The following KCNC2 variants were observed in gnomAD, a reference collection of about 807,000 sequenced individuals.
The protein encoded by KCNC2 is potassium voltage-gated channel subfamily C member 2, also known as voltage-gated potassium channel KCNC2.
KCNC2 carries 21 observed loss-of-function variants against 44.5 expected under a neutral mutation model. That is an observed-to-expected ratio of 0.47 (90% CI 0.33 to 0.68). The LOEUF (loss-of-function observed/expected upper bound fraction) is 0.68. Among genes scored for constraint, KCNC2 ranks in the 30% least tolerant of loss-of-function variants. The probability of loss-of-function intolerance (pLI) is 0.01; values close to 1 mark genes in which losing one functional copy is unlikely to be tolerated. For synonymous variants in KCNC2, 391 were observed against 339.1 expected (o/e 1.15, Z -1.68); for missense variants, 589 against 826.2 (o/e 0.71, Z 3.52).
intron 2 of KCNC2, among the ~76,000 whole-genome samples, chr12:75,083,622 A>G: frequency 6.6e-6 from 1 of 152,034 alleles, no homozygotes; most frequent in South Asian, 2.1e-4. Context: ...ATTAACAGAG[A>G]TATTTGAATA....
rs1881091009 is a variant in KCNC2, at chr12:75,050,856, C to G, written c.1149G>C (p.Leu383Phe). The G allele has an allele frequency of 1.2e-6, 2 of 1,613,354 alleles. No individual in the cohort carries two copies. The highest frequency in any genetic ancestry group is 1.3e-5 in the African/African-American group (1 of 74,784). ...CTAGAGCCAGGAAAATTATCAGCAG[C>G]AAAAATTCATTAGTACTAGCTCGAA... ...HTLRASTNEFLLLIIFLALGV... is the reference protein window; with the variant it reads ...HTLRASTNEFFLLIIFLALGV... Residue 383 changes from leucine to phenylalanine, a missense_variant, in exon 3 of 5, where the codon TTG becomes TTC. By Grantham distance (22) the Leu-to-Phe change is conservative (BLOSUM62 0). Coordinates refer to ENST00000549446, the MANE Select transcript of KCNC2 (RefSeq NM_139137.4).
rs142034037 is a variant in KCNC2, at chr12:75,159,371, C to T, written c.687+47926G>A. Among the ~76,000 whole-genome samples, 329 of 145,666 alleles carry T rather than the reference C, an allele frequency of 2.3e-3. 1 individual carries two copies. The highest frequency in any genetic ancestry group is 7.5e-3 in the African/African-American group (302 of 40,466). ...CTTGTTTCAGTTTTTGCTGCTCCCC[C>T]AATAAAAGTTCCTTAAGTTAAGATA... On this transcript the variant is annotated intron_variant, in intron 2 of 4. Coordinates refer to ENST00000549446, the MANE Select transcript of KCNC2 (RefSeq NM_139137.4).
chr12:75,043,438 A>G, intron 4 of KCNC2, 197 bp from the exon 5 acceptor site: 5 of 1,342,852 alleles, frequency 3.7e-6, no homozygotes, highest in Non-Finnish European at 4.8e-6. Context: ...AGATTAAACC[A>G]GCCATCACAA....
intron 2 of KCNC2, among the ~76,000 whole-genome samples, chr12:75,134,417 CA>C (rs1889080723): frequency 6.6e-6 from 1 of 151,638 alleles, no homozygotes; most frequent in Admixed American, 6.6e-5. Flanking sequence ...ATCTCTGAAA[CA>C]AAAACAATAC....
intron 2 of KCNC2, among the ~76,000 whole-genome samples, chr12:75,200,584 T>C (rs921552457): frequency 1.3e-5 from 2 of 151,820 alleles, no homozygotes; most frequent in African/African-American, 2.4e-5. Flanking sequence ...CAACAGTGAA[T>C]ATATATTTGA....
At chr12:75,123,855 C>T (rs779615941) in intron 2 of KCNC2, among the ~76,000 whole-genome samples, 1 of 152,168 alleles carries the variant, frequency 6.6e-6, no homozygotes, top group Non-Finnish European at 1.5e-5. Context: ...AGAGGAAGTT[C>T]TCCAAAGGTT....
chr12:75,208,165 G>T (rs1030222175), intron 1 of KCNC2, among the ~76,000 whole-genome samples, 163 bp from the exon 2 acceptor site: 1 of 152,040 alleles, frequency 6.6e-6, no homozygotes, highest in Non-Finnish European at 1.5e-5. Flanking sequence ...CGCTGTCCCC[G>T]CCTCTTGCAT....
intron 2 of KCNC2, among the ~76,000 whole-genome samples, chr12:75,126,011 T>A (rs556596555): frequency 1.3e-5 from 2 of 152,278 alleles, no homozygotes; most frequent in South Asian, 4.1e-4. Flanking sequence ...ATAAATATTA[T>A]TTTCTTTCTT....
chr12:75,158,599 A>C (rs1051182114), intron 2 of KCNC2, among the ~76,000 whole-genome samples: 1 of 151,908 alleles, frequency 6.6e-6, no homozygotes, highest in African/African-American at 2.4e-5. Flanking sequence ...ATTTATTCAA[A>C]AAAATCAATC....
chr12:75,169,346 A>C (rs893528383), intron 2 of KCNC2, among the ~76,000 whole-genome samples: 1 of 151,634 alleles, frequency 6.6e-6, no homozygotes, highest in Non-Finnish European at 1.5e-5. Flanking sequence ...TAGTTGAATT[A>C]ACAATATTCA....
At chr12:75,157,855 C>T (rs771057724) in intron 2 of KCNC2, among the ~76,000 whole-genome samples, 20 of 151,858 alleles carry the variant, frequency 1.3e-4, no homozygotes, top group Non-Finnish European at 2.9e-4. Flanking sequence ...CACTTAAATA[C>T]GTTTTAAATG....
chr12:75,157,318 C>CT (rs1299448142), intron 2 of KCNC2, among the ~76,000 whole-genome samples: 1 of 151,798 alleles, frequency 6.6e-6, no homozygotes, highest in Non-Finnish European at 1.5e-5. Flanking sequence ...GGCTGGAACT[C>CT]TAGCAGTCAT....
intron 2 of KCNC2, among the ~76,000 whole-genome samples, chr12:75,059,928 C>G (rs1359564361): frequency 6.6e-6 from 1 of 152,096 alleles, no homozygotes; most frequent in Admixed American, 6.6e-5. Context: ...ATGAATCCAC[C>G]TGCCACCACA....
chr12:75,099,898 A>T (rs571724443), intron 2 of KCNC2, among the ~76,000 whole-genome samples: 112 of 152,284 alleles, frequency 7.4e-4, no homozygotes, highest in South Asian at 1.4e-3. Flanking sequence ...TATGACTTGG[A>T]AAACTAGACA....
intron 2 of KCNC2, among the ~76,000 whole-genome samples, chr12:75,109,257 T>C (rs1887033588): frequency 6.6e-6 from 1 of 152,142 alleles, no homozygotes; most frequent in Admixed American, 6.6e-5. Context: ...AGACAACATG[T>C]CTTGAACTTA....
At chr12:75,098,343 T>A (rs1274199449) in intron 2 of KCNC2, among the ~76,000 whole-genome samples, 4 of 152,180 alleles carry the variant, frequency 2.6e-5, no homozygotes, top group Non-Finnish European at 4.4e-5. Flanking sequence ...TTCACATTAC[T>A]CTGGTTGGTT....
intron 2 of KCNC2, among the ~76,000 whole-genome samples, chr12:75,147,224 G>A (rs1305828797): frequency 6.6e-6 from 1 of 152,042 alleles, no homozygotes; most frequent in Non-Finnish European, 1.5e-5. Flanking sequence ...CAAAATGTGT[G>A]CAAGGTATTT....
In KCNC2 at chr12:75,043,192, A is replaced by G. The variant is rs1275994011; in HGVS notation, c.1830T>C (p.Asn610=). 6.2e-7 allele frequency: 1 copy of G among 1,612,304 alleles called. No homozygotes were observed. Among genetic ancestry groups the G allele is most frequent in the African/African-American group, 1.3e-5 (1 of 74,746 alleles). Residue 610 remains asparagine (N), a synonymous_variant, in exon 5 of 5, where the codon AAT becomes AAC. Coordinates refer to ENST00000549446, the MANE Select transcript of KCNC2 (RefSeq NM_139137.4). ...ATGTTACTGGAGAGAGCCTCAGAGCATTGCCTGCCAAGCCCGCTATGTTGT... is the reference window on the plus strand; with the variant it reads ...ATGTTACTGGAGAGAGCCTCAGAGCGTTGCCTGCCAAGCCCGCTATGTTGT... ...SLNNIAGLAG[N]ALRLSPVTSP... is the part of the protein sequence containing the mutation.
chr12:75,131,804 C>T (rs960217029), intron 2 of KCNC2, among the ~76,000 whole-genome samples: 1 of 152,132 alleles, frequency 6.6e-6, no homozygotes, highest in African/African-American at 2.4e-5. Flanking sequence ...GAATGAGCTT[C>T]ACGGTAGAAT....
Sources: gnomAD v4.1 joint callset for allele counts (sites outside exome capture counted in the v4.1 genomes callset) on GRCh38, gnomAD v4.1.1 for gene constraint, MANE v1.5 for transcripts, NCBI Gene and HGNC (gene_info 2026-07-23, HGNC 2026-07-21) for gene names.